The following KYAT1 variants were observed in gnomAD, a reference collection of about 807,000 sequenced individuals.
KYAT1 encodes the protein kynurenine--oxoglutarate transaminase 1.
KYAT1 carries 47 observed loss-of-function variants against 52.4 expected under a neutral mutation model. That is an observed-to-expected ratio of 0.90 (90% CI 0.71 to 1.14). The LOEUF (loss-of-function observed/expected upper bound fraction) is 1.14, where lower values mean the gene tolerates loss of function less well. Ranked by LOEUF, KYAT1 falls within the 50% of genes most tolerant of loss-of-function variation. The pLI, the probability that KYAT1 is intolerant of heterozygous loss-of-function variation, is 0.00. For missense variants in KYAT1, 480 were observed against 557.9 expected, an observed-to-expected ratio of 0.86 and a Z score of 1.41; for synonymous variants, 212 against 209.6, an observed-to-expected ratio of 1.01 and a Z score of -0.10.
Position 128,838,270 on chromosome 9 carries a change from C to T in KYAT1, c.299G>A (p.Gly100Asp), listed in dbSNP as rs1430744001. ...GAAGGCTGTGAACAGGGCCCCATAG[C>T]CACCAACAGTCACCAGCACATTCCT... The part of the protein sequence containing the change: ...PLRNVLVTVG[G>D]YGALFTAFQA... Residue 100 changes from glycine to aspartate, a missense_variant, in exon 4 of 13, where the codon GGC becomes GAC. Transcript: ENST00000302586. The T allele has an allele frequency of 6.2e-7, 1 of 1,614,224 alleles. No homozygotes were observed. The highest frequency in any genetic ancestry group is 1.1e-5 in the South Asian group (1 of 91,088).
upstream of KYAT1, chr9:128,882,021 C>G (rs1441435884): frequency 6.6e-6 from 1 of 152,386 alleles, no homozygotes; most frequent in East Asian, 1.9e-4. Flanking sequence ...GGCGCTAGCG[C>G]GGAGGCGAGA....
upstream of KYAT1, chr9:128,882,330 GGCCCGGGGC>G (rs950883644): frequency 6.9e-5 from 12 of 173,306 alleles, no homozygotes; most frequent in Admixed American, 2.5e-4. Flanking sequence ...CCAGCTGCCC[GGCCCGGGGC>G]GCCCGGGGCA....
intron 1 of KYAT1, chr9:128,846,620 AAAAAAG>A: frequency 3.7e-6 from 4 of 1,068,806 alleles, no homozygotes; most frequent in Non-Finnish European, 5.1e-6. Flanking sequence ...AAAAAAAAAA[AAAAAAG>A]AAAGAAAGAA....
Position 128,838,122 on chromosome 9 carries a change from G to T in KYAT1, c.367C>A (p.Pro123Thr), listed in dbSNP as rs1306266979. 6.2e-7 allele frequency: 1 copy of T among 1,614,118 alleles called. No individual in the cohort carries two copies. Among genetic ancestry groups the T allele is most frequent in the Admixed American group, 1.7e-5 (1 of 60,026 alleles). ...DEGDEVIIIEPFFDCYEPMTM... is the reference protein window; with the variant it reads ...DEGDEVIIIETFFDCYEPMTM... The stretch of plus-strand genomic sequence containing the variant: ...ATGGGCTCGTAGCAGTCAAAAAAGG[G>T]TTCGATGATGATGACCTGATATAAG... The change falls in exon 5 of 13, where the codon CCC (proline) becomes ACC (threonine). Residue 123 changes from proline to threonine, a missense_variant. Coordinates refer to ENST00000302586, the MANE Select transcript of KYAT1 (RefSeq NM_004059.5).
At chr9:128,835,238 G>C in intron 11 of KYAT1, 85 bp downstream of exon 11, 1 of 1,081,978 alleles carries the variant, frequency 9.2e-7, no homozygotes, top group Non-Finnish European at 1.4e-6. Flanking sequence ...CTAAGATCTA[G>C]CCCAGGAGCC....
At chr9:128,859,550 C>T (rs1254890976) in intron 1 of KYAT1, among the ~76,000 whole-genome samples, 7 of 150,856 alleles carry the variant, frequency 4.6e-5, no homozygotes, top group Admixed American at 1.3e-4. Flanking sequence ...TGCCTGTAAT[C>T]TCCCAGCTAC....
chr9:128,839,891 A>C (rs1327557290), intron 3 of KYAT1, among the ~76,000 whole-genome samples: 3 of 150,652 alleles, frequency 2.0e-5, no homozygotes, highest in Non-Finnish European at 3.0e-5. Context: ...GTCTCTACTG[A>C]TGGAAAATCA....
intron 3 of KYAT1, chr9:128,840,784 G>C (rs973161865): frequency 6.3e-5 from 19 of 302,840 alleles, no homozygotes; most frequent in Middle Eastern, 1.2e-3. Flanking sequence ...TCAAACTCCT[G>C]GGCTCAAACA....
chr9:128,867,723 T>G (rs1278637635), intron 1 of KYAT1, among the ~76,000 whole-genome samples: 2 of 152,184 alleles, frequency 1.3e-5, no homozygotes, highest in Non-Finnish European at 2.9e-5. Flanking sequence ...TGGAAAGATA[T>G]TCAGGTTATG....
rs1195598622 is a variant in KYAT1, at chr9:128,836,801, C to T, written c.688+1G>A. On this transcript the variant is annotated splice_donor_variant, in intron 7 of 12. Coordinates refer to ENST00000302586, the MANE Select transcript of KYAT1 (RefSeq NM_004059.5). LOFTEE classifies it high-confidence loss of function. ...AGGGGCCCCAGGCTGGCTTGGCTCA[C>T]CAATGCTGATGTGCTGGTGCCCGTC... The T allele has an allele frequency of 1.2e-6, 2 of 1,612,968 alleles. No homozygotes were observed. Among genetic ancestry groups the T allele is most frequent in the Non-Finnish European group, 8.5e-7 (1 of 1,179,634 alleles).
In KYAT1 at chr9:128,841,100, G is replaced by A. The variant is rs187204182; in HGVS notation, c.201+1554C>T. On this transcript the variant is annotated intron_variant, in intron 3 of 12. Transcript: ENST00000302586. ...AAAAAGAACGAGTGCGGTCGGGTGC[G>A]GTGGCTCACGCCTGTAATCCCAGCA... Among the ~76,000 whole-genome samples the A allele has an allele frequency of 4.1e-4, 63 of 152,334 alleles. No individual in the cohort carries two copies. The East Asian group carries it at 9.8e-3, about 24-fold the overall frequency.
Position 128,835,990 on chromosome 9 carries a change from A to C in KYAT1, c.765+7T>G. ...GGGGTGGTGACCTCCCACCCTCAGC[A>C]ACTCACCTTCCAGCCAGTGGCGCTG... On this transcript the variant is annotated splice_region_variant and intron_variant, in intron 8 of 12. Coordinates refer to ENST00000302586, the MANE Select transcript of KYAT1 (RefSeq NM_004059.5). 2.5e-6 allele frequency: 4 copies of C among 1,612,018 alleles called. No individual in the cohort carries two copies. Among genetic ancestry groups the C allele is most frequent in the Non-Finnish European group, 3.4e-6 (4 of 1,178,224 alleles).
At chr9:128,851,797 C>T (rs142053208) in intron 1 of KYAT1, among the ~76,000 whole-genome samples, 75 of 152,302 alleles carry the variant, frequency 4.9e-4, no homozygotes, top group African/African-American at 1.7e-3. Flanking sequence ...ATGGCTCAGT[C>T]AACGCAAAGT....
intron 1 of KYAT1, among the ~76,000 whole-genome samples, chr9:128,880,994 G>A (rs942136727): frequency 2.0e-4 from 30 of 152,310 alleles, no homozygotes; most frequent in Admixed American, 1.8e-3. Context: ...AACTTCTTGT[G>A]CATCTTATCA....
chr9:128,879,580 T>C (rs1838520226), intron 1 of KYAT1, among the ~76,000 whole-genome samples: 1 of 152,216 alleles, frequency 6.6e-6, no homozygotes, highest in African/African-American at 2.4e-5. Flanking sequence ...TGGGTCTAAC[T>C]TGTATATTCT....
chr9:128,838,989 G>A (rs1339657024), intron 3 of KYAT1, among the ~76,000 whole-genome samples: 1 of 149,640 alleles, frequency 6.7e-6, no homozygotes, highest in Non-Finnish European at 1.5e-5. Context: ...TTGAGACAGG[G>A]TCTCACTCAT....
At chr9:128,853,198 A>C (rs1223574624) in intron 1 of KYAT1, among the ~76,000 whole-genome samples, 1 of 152,244 alleles carries the variant, frequency 6.6e-6, no homozygotes, top group African/African-American at 2.4e-5. Context: ...GCTGCATGCC[A>C]GATTGGTCTT....
intron 1 of KYAT1, among the ~76,000 whole-genome samples, chr9:128,850,278 G>A (rs1238698088): frequency 6.6e-6 from 1 of 152,126 alleles, no homozygotes; most frequent in Non-Finnish European, 1.5e-5. Context: ...CTGTGTCTAT[G>A]TAGAAATGGA....
intron 1 of KYAT1, among the ~76,000 whole-genome samples, chr9:128,855,064 AC>A (rs1321670819): frequency 6.6e-6 from 1 of 152,200 alleles, no homozygotes; most frequent in Admixed American, 6.5e-5. Flanking sequence ...GCCTAAGGGG[AC>A]CTTGCCTCAA....
Sources: allele counts gnomAD v4.1 joint callset (sites outside exome capture counted in the v4.1 genomes callset), GRCh38; gene constraint gnomAD v4.1.1; transcripts MANE v1.5; gene names NCBI Gene and HGNC (gene_info 2026-07-23, HGNC 2026-07-21).